Variants in ZNF609 observed in about 807,000 individuals in gnomAD.
ZNF609 encodes zinc finger protein 609.
A neutral mutation model predicts 109.5 loss-of-function variants in ZNF609; 11 were observed. That is an observed-to-expected ratio of 0.10 (90% CI 0.06 to 0.17). ZNF609 has a LOEUF of 0.17. ZNF609 is among the 10% of genes least tolerant of loss of function. ZNF609 has a pLI of 1.00. For missense variants in ZNF609, 1,559 were observed against 1,772.4 expected (o/e 0.88, Z 2.16); for synonymous variants, 646 against 662.0 (o/e 0.98, Z 0.37).
chr15:64,530,352 C>T (rs1393656697), intron 2 of ZNF609, among the ~76,000 whole-genome samples: 1 of 152,158 alleles, frequency 6.6e-6, no homozygotes, highest in Non-Finnish European at 1.5e-5. Context: ...GAGCATATTA[C>T]CTAGCCTCTG....
intron 2 of ZNF609, among the ~76,000 whole-genome samples, chr15:64,573,731 T>G (rs1263810720): frequency 6.6e-6 from 1 of 152,150 alleles, no homozygotes; most frequent in African/African-American, 2.4e-5. Flanking sequence ...CCTTGTCTAT[T>G]TGGCATTTTA....
At chr15:64,485,436 T>TA (rs764625025) in intron 1 of ZNF609, among the ~76,000 whole-genome samples, 1 of 152,236 alleles carries the variant, frequency 6.6e-6, no homozygotes, top group Non-Finnish European at 1.5e-5. Flanking sequence ...AAATGGAAGA[T>TA]AAAGTGTTTG....
intron 2 of ZNF609, among the ~76,000 whole-genome samples, chr15:64,564,933 C>T (rs1894751615): frequency 6.6e-6 from 1 of 151,548 alleles, no homozygotes; most frequent in Non-Finnish European, 1.5e-5. Flanking sequence ...CTGCAAGCTC[C>T]ACCTCCCAGG....
At chr15:64,588,180 G>A (rs2140935449) in intron 2 of ZNF609, among the ~76,000 whole-genome samples, 1 of 150,376 alleles carries the variant, frequency 6.6e-6, no homozygotes, top group Admixed American at 6.6e-5. Flanking sequence ...TGTAATCCCA[G>A]CACTTTGGGA....
chr15:64,670,500 T>G, intron 4 of ZNF609, 67 bp downstream of exon 4: 1 of 1,335,662 alleles, frequency 7.5e-7, no homozygotes, highest in Non-Finnish European at 1.1e-6. Context: ...CCTTATACTT[T>G]TATCCTGCTA....
chr15:64,539,154 C>T (rs1011177307), intron 2 of ZNF609, among the ~76,000 whole-genome samples: 1 of 147,150 alleles, frequency 6.8e-6, no homozygotes, highest in African/African-American at 2.6e-5. Flanking sequence ...CAGGCGCCTG[C>T]CACCATGCCT....
At position 64,593,472 on chromosome 15, in the gene ZNF609, A is replaced by T. The variant is rs147074031; in HGVS notation, c.748-29355A>T. 214 of 628,866 alleles carry T rather than the reference A, an allele frequency of 3.4e-4. No homozygotes were observed. In the African/African-American group the frequency reaches 3.8e-3, roughly 11 times the overall value. The allele number at this position is 628,866 out of a possible 1,614,324, so 39.0% of individuals were successfully genotyped here. A position where few individuals can be genotyped will look rare whatever the true frequency, so the allele number is the denominator to read the frequency against. Reference sequence around the variant, plus strand: ...TTCACGATGCAGTGAAATTCTGATAACCTTTCATAGTCTGAAAAATCTAGT... The same window carrying T: ...TTCACGATGCAGTGAAATTCTGATATCCTTTCATAGTCTGAAAAATCTAGT... On this transcript the variant is annotated intron_variant, in intron 2 of 9. Coordinates refer to ENST00000326648, the MANE Select transcript of ZNF609 (RefSeq NM_015042.2).
At chr15:64,634,523 ATGTG>A (rs942189549) in intron 3 of ZNF609, among the ~76,000 whole-genome samples, 126 of 152,300 alleles carry the variant, frequency 8.3e-4, no homozygotes, top group African/African-American at 3.0e-3. Flanking sequence ...GTAGAAAAGT[ATGTG>A]TGTGAACTGT....
At chr15:64,669,072 G>C (rs775670414) in intron 3 of ZNF609, among the ~76,000 whole-genome samples, 1 of 151,660 alleles carries the variant, frequency 6.6e-6, no homozygotes, top group Non-Finnish European at 1.5e-5. Context: ...GTTGCCAAAG[G>C]AAAAGGGCAA....
intron 7 of ZNF609, 126 bp from the exon 8 acceptor site, chr15:64,680,520 G>A (rs996824284): frequency 4.7e-6 from 6 of 1,266,432 alleles, no homozygotes; most frequent in Non-Finnish European, 6.6e-6. Flanking sequence ...TAGGTATCTT[G>A]CACTTTTAGG....
At chr15:64,543,643 T>G (rs772421460) in intron 2 of ZNF609, among the ~76,000 whole-genome samples, 4 of 151,944 alleles carry the variant, frequency 2.6e-5, no homozygotes, top group Non-Finnish European at 5.9e-5. Flanking sequence ...GGGGTTTCAC[T>G]GTATTGGCCA....
intron 1 of ZNF609, 42 bp from the exon 2 acceptor site, chr15:64,499,251 G>A: frequency 1.2e-6 from 1 of 833,602 alleles, no homozygotes. Flanking sequence ...TCTCTTGCCT[G>A]TATTGTTTCT....
chr15:64,576,917 CAT>C (rs1309322796), intron 2 of ZNF609, among the ~76,000 whole-genome samples: 1 of 118,072 alleles, frequency 8.5e-6, no homozygotes, highest in Non-Finnish European at 1.8e-5. Context: ...TGTATATATA[CAT>C]ATATGTGTAT....
Position 64,499,701 on chromosome 15 carries a change from G to C in ZNF609, c.282G>C (p.Lys94Asn). 2 of 1,614,094 alleles carry C rather than the reference G, an allele frequency of 1.2e-6. No homozygotes were observed. Among genetic ancestry groups the C allele is most frequent in the Non-Finnish European group, 1.7e-6 (2 of 1,180,030 alleles). ...KEGKSKSKRS[K>N]SGKDTSKPTP... Reference sequence around the variant, plus strand: ...GCAAATCAAAATCCAAAAGGAGTAAGAGTGGCAAAGACACTAGCAAACCCA... The same window carrying C: ...GCAAATCAAAATCCAAAAGGAGTAACAGTGGCAAAGACACTAGCAAACCCA... Residue 94 changes from lysine to asparagine, a missense_variant, in exon 2 of 10, where the codon AAG becomes AAC. Physicochemically the swap from Lys to Asn is moderately conservative, Grantham distance 94. This residue lies in a region of ZNF609 where 291 missense variants were observed against 317.8 expected (regional missense o/e 0.92). Transcript: ENST00000326648.
At chr15:64,494,404 C>A (rs1893453898) in intron 1 of ZNF609, among the ~76,000 whole-genome samples, 1 of 152,130 alleles carries the variant, frequency 6.6e-6, no homozygotes, top group South Asian at 2.1e-4. Flanking sequence ...TGTTGGGAAT[C>A]AGGATATTAA....
intron 3 of ZNF609, among the ~76,000 whole-genome samples, chr15:64,647,737 T>C (rs1316402429): frequency 6.6e-6 from 1 of 152,200 alleles, no homozygotes; most frequent in Non-Finnish European, 1.5e-5. Flanking sequence ...TTAAATTTTC[T>C]AGCTCTTCAA....
At chr15:64,562,015 C>T (rs528688123) in intron 2 of ZNF609, among the ~76,000 whole-genome samples, 35 of 152,248 alleles carry the variant, frequency 2.3e-4, no homozygotes, top group African/African-American at 8.2e-4. Flanking sequence ...TATAATGTAC[C>T]ACCTGACATC....
Position 64,674,868 on chromosome 15 carries a change from C to G in ZNF609, c.2014C>G (p.Gln672Glu), listed in dbSNP as rs892376419. The G allele has an allele frequency of 2.5e-6, 4 of 1,614,068 alleles. No individual in the cohort carries two copies. The highest frequency in any genetic ancestry group is 3.4e-6 in the Non-Finnish European group (4 of 1,180,050). The stretch of plus-strand genomic sequence containing the variant: ...CCCCCCACAGCAAATCTACACCTTC[C>G]AGACAGCCACCTTCACAGCAGCGAG... ...AIPPQQIYTF[Q>E]TATFTAASPG... The change falls in exon 5 of 10, where the codon CAG (glutamine) becomes GAG (glutamate). Residue 672 changes from glutamine to glutamate, a missense_variant. Physicochemically the swap from Gln to Glu is conservative, Grantham distance 29. Transcript: ENST00000326648.
At chr15:64,566,236 A>C (rs147884381) in intron 2 of ZNF609, among the ~76,000 whole-genome samples, 1,698 of 152,266 alleles carry the variant, frequency 0.011, 10 homozygotes, top group South Asian at 0.029. Flanking sequence ...AGACTGAGGC[A>C]GGAGGATTGC....
Sources: allele counts gnomAD v4.1 joint callset (sites outside exome capture counted in the v4.1 genomes callset), GRCh38; gene constraint gnomAD v4.1.1; regional missense constraint gnomAD v4.1.1; transcripts MANE v1.5; gene names NCBI Gene and HGNC (gene_info 2026-07-23, HGNC 2026-07-21).